The following KIF13B variants were observed in gnomAD, a reference collection of about 807,000 sequenced individuals.
The protein encoded by KIF13B is kinesin family member 13B, also known as kinesin-like protein KIF13B.
Under a neutral mutation model 222.0 loss-of-function variants are expected in KIF13B, and 127 were observed. The observed-to-expected ratio is 0.57, with a 90% confidence interval of 0.50 to 0.66. The LOEUF (loss-of-function observed/expected upper bound fraction) is 0.66. Ranked by LOEUF, KIF13B falls within the 30% of genes least tolerant of loss-of-function variation. The probability of loss-of-function intolerance (pLI) is 0.00; values close to 1 mark genes in which losing one functional copy is unlikely to be tolerated. For missense variants in KIF13B, 2,173 were observed against 2,379.0 expected, an observed-to-expected ratio of 0.91 and a Z score of 1.80; for synonymous variants, 976 against 919.0, an observed-to-expected ratio of 1.06 and a Z score of -1.12.
intron 2 of KIF13B, among the ~76,000 whole-genome samples, chr8:29,220,833 G>A (rs943929011): frequency 2.4e-4 from 37 of 152,202 alleles, no homozygotes; most frequent in South Asian, 1.2e-3. Flanking sequence ...GTATCAATAC[G>A]TTATGTAAAA....
intron 1 of KIF13B, among the ~76,000 whole-genome samples, chr8:29,254,551 A>C (rs1816402137): frequency 6.6e-6 from 1 of 152,222 alleles, no homozygotes; most frequent in South Asian, 2.1e-4. Flanking sequence ...TGCACATGAA[A>C]AGACGCTCAA....
chr8:29,177,687 A>G, intron 8 of KIF13B, 109 bp from the exon 9 acceptor site: 1 of 753,616 alleles, frequency 1.3e-6, no homozygotes, highest in Admixed American at 1.9e-5. Flanking sequence ...GGATCACCTG[A>G]GCCCAGGATT....
At chr8:29,186,043 C>A (rs1192254142) in intron 6 of KIF13B, among the ~76,000 whole-genome samples, 1 of 152,114 alleles carries the variant, frequency 6.6e-6, no homozygotes, top group African/African-American at 2.4e-5. Context: ...TTATGCCTCT[C>A]CCTCACCTCA....
intron 29 of KIF13B, among the ~76,000 whole-genome samples, chr8:29,122,344 C>T (rs1310403272): frequency 6.6e-6 from 1 of 152,122 alleles, no homozygotes. Flanking sequence ...ACAGAGCATC[C>T]ACATGGCACC....
At position 29,170,771 on chromosome 8, in the gene KIF13B, C is replaced by T. The variant is rs999382880; in HGVS notation, c.946-3186G>A. Among the ~76,000 whole-genome samples, 9 of 152,274 alleles carry T rather than the reference C, an allele frequency of 5.9e-5. No individual in the cohort carries two copies. The South Asian group carries it at 1.2e-3, about 21-fold the overall frequency. On this transcript the variant is annotated intron_variant, in intron 10 of 39. Transcript: ENST00000524189. ...CTCATAAAGGACCTTGTAAGTCACA[C>T]GCCATTAAAGAATTTGGACTCTGTG...
intron 18 of KIF13B, 23 bp from the exon 19 acceptor site, chr8:29,142,326 C>A (rs373133313): frequency 6.3e-7 from 1 of 1,598,900 alleles, no homozygotes; most frequent in Admixed American, 1.7e-5. Flanking sequence ...TAAGAATGAC[C>A]GTGAGAAACA....
chr8:29,188,430 C>T, intron 5 of KIF13B, 85 bp downstream of exon 5: 1 of 779,044 alleles, frequency 1.3e-6, no homozygotes, highest in Non-Finnish European at 2.1e-6. Context: ...AGGAATAAAT[C>T]AGCAATGTTA....
intron 1 of KIF13B, among the ~76,000 whole-genome samples, chr8:29,249,767 A>T (rs1816200096): frequency 2.0e-5 from 3 of 152,248 alleles, no homozygotes; most frequent in Admixed American, 6.5e-5. Context: ...ACATTTTTCA[A>T]GCAAAGAGCA....
intron 37 of KIF13B, among the ~76,000 whole-genome samples, chr8:29,076,934 C>A (rs1196254805): frequency 6.6e-6 from 1 of 152,018 alleles, no homozygotes; most frequent in African/African-American, 2.4e-5. Context: ...ATGATCACAC[C>A]ACCACACTCC....
intron 22 of KIF13B, 75 bp from the exon 23 acceptor site, chr8:29,132,540 A>G (rs1452176903): frequency 4.4e-6 from 4 of 906,484 alleles, no homozygotes; most frequent in South Asian, 4.3e-5. Context: ...CAGACATCAC[A>G]TACTTAATTA....
intron 30 of KIF13B, among the ~76,000 whole-genome samples, chr8:29,117,917 C>A (rs1036025746): frequency 6.6e-6 from 1 of 151,082 alleles, no homozygotes; most frequent in East Asian, 1.9e-4. Context: ...CAGCACTTTG[C>A]GAAGCCAAGG....
At chr8:29,218,152 T>C (rs974370600) in intron 2 of KIF13B, among the ~76,000 whole-genome samples, 1 of 152,196 alleles carries the variant, frequency 6.6e-6, no homozygotes, top group Non-Finnish European at 1.5e-5. Flanking sequence ...TTAACATCTA[T>C]TACATGTCAT....
At chr8:29,205,706 C>A (rs545517179) in intron 2 of KIF13B, among the ~76,000 whole-genome samples, 40 of 152,110 alleles carry the variant, frequency 2.6e-4, no homozygotes, top group Non-Finnish European at 5.4e-4. Context: ...GCTATGAAAT[C>A]AAATTAAACC....
chr8:29,233,069 T>A (rs1469544764), intron 2 of KIF13B, among the ~76,000 whole-genome samples: 4 of 152,146 alleles, frequency 2.6e-5, no homozygotes, highest in African/African-American at 9.7e-5. Flanking sequence ...GGCAGGAGAA[T>A]CACTTGAACC....
At position 29,071,972 on chromosome 8, in the gene KIF13B, AGGGGGCTCCTCGGCGGGGACG is replaced by A. The variant is rs1807308550; in HGVS notation, c.4845_4865del (p.Val1616_Pro1622del). The A allele has an allele frequency of 3.0e-6, 4 of 1,322,310 alleles. No homozygotes were observed. The Admixed American group carries it at 1.7e-4, about 56-fold the overall frequency. 81.9% of individuals were successfully genotyped at this position (1,322,310 alleles called of 1,614,324 possible). ...CGGGGCTCACGAGCTGCTGGGGGCCAGGGGGCTCCTCGGCGGGGACGGCCGTGGGCGGTGGGGGGTGGCTGA... is the reference window on the plus strand; with the variant it reads ...CGGGGCTCACGAGCTGCTGGGGGCCAGCCGTGGGCGGTGGGGGGTGGCTGA... On this transcript the variant is annotated inframe_deletion, in exon 39 of 40. Transcript: ENST00000524189. The surrounding 1 kb of genome is among the most constrained non-coding windows in gnomAD (Gnocchi z 4.9).
At chr8:29,236,930 T>TA (rs1815537199) in intron 2 of KIF13B, among the ~76,000 whole-genome samples, 1 of 152,126 alleles carries the variant, frequency 6.6e-6, no homozygotes, top group African/African-American at 2.4e-5. Flanking sequence ...TGCTTTTTTT[T>TA]ACTAGTATGC....
chr8:29,244,929 A>G (rs545695927), intron 2 of KIF13B, among the ~76,000 whole-genome samples: 1 of 152,328 alleles, frequency 6.6e-6, no homozygotes, highest in South Asian at 2.1e-4. Flanking sequence ...TAGAGGAAAG[A>G]CATCACTGCG....
chr8:29,255,015 C>A (rs558117141), intron 1 of KIF13B, among the ~76,000 whole-genome samples: 2 of 152,052 alleles, frequency 1.3e-5, no homozygotes, highest in Non-Finnish European at 2.9e-5. Context: ...ATACATTATA[C>A]CAAGTGAAAG....
chr8:29,211,123 CT>C (rs1328192242), intron 2 of KIF13B, among the ~76,000 whole-genome samples: 2 of 152,226 alleles, frequency 1.3e-5, no homozygotes, highest in Non-Finnish European at 2.9e-5. Flanking sequence ...TCTAATTGGT[CT>C]GGCCAGAGGG....
Sources: allele counts gnomAD v4.1 joint callset (sites outside exome capture counted in the v4.1 genomes callset), GRCh38; gene constraint gnomAD v4.1.1; non-coding constraint Gnocchi (gnomAD v3.1); transcripts MANE v1.5; gene names NCBI Gene and HGNC (gene_info 2026-07-23, HGNC 2026-07-21).